Variants in SLAIN2 observed in about 807,000 individuals in gnomAD.
SLAIN2 encodes SLAIN family member 2, also known as SLAIN motif-containing protein 2.
SLAIN2 carries 31 observed loss-of-function variants against 56.6 expected under a neutral mutation model. That is an observed-to-expected ratio of 0.55 (90% CI 0.41 to 0.74). The LOEUF (loss-of-function observed/expected upper bound fraction) is 0.74, where lower values mean the gene tolerates loss of function less well. SLAIN2 is among the 30% of genes least tolerant of loss of function. The pLI is 0.00. For missense variants in SLAIN2, 777 were observed against 754.2 expected (o/e 1.03, Z -0.35); for synonymous variants, 317 against 284.9 (o/e 1.11, Z -1.13).
At chr4:48,383,111 T>C (rs1277007159) in intron 5 of SLAIN2, among the ~76,000 whole-genome samples, 184 bp downstream of exon 5, 2 of 141,422 alleles carry the variant, frequency 1.4e-5, no homozygotes, top group African/African-American at 2.7e-5. Context: ...AAAGCTACAG[T>C]GAGCTGTGAT....
At chr4:48,343,028 AATT>A (rs1367197845) in intron 1 of SLAIN2, among the ~76,000 whole-genome samples, 2 of 152,144 alleles carry the variant, frequency 1.3e-5, no homozygotes, top group African/African-American at 2.4e-5. Context: ...GTGTGTGGGC[AATT>A]ATTTGTCTTA....
intron 6 of SLAIN2, among the ~76,000 whole-genome samples, chr4:48,388,835 A>G (rs1716163627): frequency 6.6e-6 from 1 of 152,224 alleles, no homozygotes; most frequent in Non-Finnish European, 1.5e-5. Context: ...TTAGTGAGAT[A>G]TTATCCATTT....
At chr4:48,416,610 G>T (rs181473488) in intron 6 of SLAIN2, among the ~76,000 whole-genome samples, 13 of 151,584 alleles carry the variant, frequency 8.6e-5, no homozygotes, top group Non-Finnish European at 1.3e-4. Context: ...GAATAGGAGC[G>T]GTGAGAGAGG....
At chr4:48,381,508 T>C (rs944695246) in intron 4 of SLAIN2, among the ~76,000 whole-genome samples, 14 of 152,210 alleles carry the variant, frequency 9.2e-5, no homozygotes, top group Non-Finnish European at 2.1e-4. Flanking sequence ...AACAGTGCTC[T>C]TTTCATTGGT....
At chr4:48,392,090 G>T (rs1402140830) in intron 6 of SLAIN2, among the ~76,000 whole-genome samples, 2 of 152,160 alleles carry the variant, frequency 1.3e-5, no homozygotes, top group East Asian at 3.8e-4. Context: ...ACTACACTTT[G>T]TCATTTAAAA....
chr4:48,407,374 A>G (rs1017087193), intron 6 of SLAIN2, among the ~76,000 whole-genome samples: 13 of 152,158 alleles, frequency 8.5e-5, no homozygotes, highest in Non-Finnish European at 1.5e-5. Context: ...CGTATCTTGT[A>G]GCAATATTAA....
At position 48,378,012 on chromosome 4, in the gene SLAIN2, C is replaced by T. The variant is rs375501870; in HGVS notation, c.655C>T (p.Pro219Ser). 4 of 1,613,794 alleles carry T rather than the reference C, an allele frequency of 2.5e-6. No individual in the cohort carries two copies. The African/African-American group carries it at 4.0e-5, about 16-fold the overall frequency. Residue 219 changes from proline (P) to serine (S), a missense_variant, in exon 3 of 8, where the codon CCA (proline) becomes TCA (serine). Physicochemically the swap from Pro to Ser is moderately conservative, Grantham distance 74 (BLOSUM62 -1). Transcript: ENST00000264313. ...TGGCTTCAATTCTCCATCCTCAACC[C>T]CAGTGCGACCTCCTATAGTCAAACA... ...SSGFNSPSST[P>S]VRPPIVKQLI...
At chr4:48,354,853 C>T (rs140558186) in intron 1 of SLAIN2, among the ~76,000 whole-genome samples, 3 of 151,768 alleles carry the variant, frequency 2.0e-5, no homozygotes, top group Non-Finnish European at 2.9e-5. Context: ...AGCTGGTAAC[C>T]GAATGGTTAG....
At chr4:48,403,889 G>T (rs1716622589) in intron 6 of SLAIN2, among the ~76,000 whole-genome samples, 1 of 152,224 alleles carries the variant, frequency 6.6e-6, no homozygotes. Context: ...AGGCTGTGGT[G>T]GCGTGGGCTT....
chr4:48,379,780 C>A lies in SLAIN2; in HGVS notation c.794C>A (p.Ser265Ter). 1 of 1,597,244 alleles carries A rather than the reference C, an allele frequency of 6.3e-7. No homozygotes were observed. Among genetic ancestry groups the A allele is most frequent in the Admixed American group, 1.8e-5 (1 of 57,138 alleles). Reference protein sequence around the residue: ...ELSASELDEDSIGSNYKLNDV... With the variant: ...ELSASELDED ...AGTGCTTCAGAATTAGATGAAGATT[C>A]AATTGGATCCAATTATAAGCTAAAT... Residue 265 changes from serine to a stop codon, truncating the protein, a stop_gained, in exon 4 of 8, where the codon TCA (serine) becomes TAA (stop). Coordinates refer to ENST00000264313, the MANE Select transcript of SLAIN2 (RefSeq NM_020846.2). LOFTEE classifies it high-confidence loss of function.
chr4:48,384,609 A>G (rs927507665), intron 6 of SLAIN2, among the ~76,000 whole-genome samples: 1 of 152,236 alleles, frequency 6.6e-6, no homozygotes, highest in African/African-American at 2.4e-5. Context: ...GGTGAATTTT[A>G]GAAGTATAGT....
intron 1 of SLAIN2, among the ~76,000 whole-genome samples, chr4:48,347,058 A>C (rs1468154755): frequency 6.6e-6 from 1 of 151,858 alleles, no homozygotes; most frequent in African/African-American, 2.4e-5. Flanking sequence ...TACTTAGAGT[A>C]CCTGTGTGCA....
intron 2 of SLAIN2, among the ~76,000 whole-genome samples, chr4:48,371,950 A>AG (rs926575189): frequency 6.8e-6 from 1 of 147,882 alleles, no homozygotes; most frequent in Non-Finnish European, 1.5e-5. Flanking sequence ...CCAAAACAAA[A>AG]CAAAACAAAC....
chr4:48,381,323 A>G (rs1407360003), intron 4 of SLAIN2, among the ~76,000 whole-genome samples: 1 of 152,208 alleles, frequency 6.6e-6, no homozygotes, highest in East Asian at 1.9e-4. Context: ...ATAGTAATAA[A>G]AATATATGTG....
chr4:48,351,056 C>T (rs1484160621), intron 1 of SLAIN2, among the ~76,000 whole-genome samples: 4 of 152,172 alleles, frequency 2.6e-5, no homozygotes, highest in Non-Finnish European at 5.9e-5. Context: ...AACTCCTCCC[C>T]CACACATCCC....
At chr4:48,378,522 A>G (rs1369356033) in intron 3 of SLAIN2, among the ~76,000 whole-genome samples, 1 of 152,232 alleles carries the variant, frequency 6.6e-6, no homozygotes, top group South Asian at 2.1e-4. Context: ...GCTATAAACC[A>G]GGGAAAGAAT....
intron 4 of SLAIN2, among the ~76,000 whole-genome samples, chr4:48,382,260 C>T (rs572189597): frequency 6.6e-6 from 1 of 152,126 alleles, no homozygotes; most frequent in African/African-American, 2.4e-5. Context: ...GGATTACTGT[C>T]TTTAGGGGTA....
At chr4:48,349,977 T>G (rs1210890269) in intron 1 of SLAIN2, among the ~76,000 whole-genome samples, 2 of 152,256 alleles carry the variant, frequency 1.3e-5, no homozygotes, top group Non-Finnish European at 2.9e-5. Flanking sequence ...AAAAAACATT[T>G]ATTGAACTGG....
chr4:48,364,849 A>AC (rs1188072719), intron 1 of SLAIN2, among the ~76,000 whole-genome samples: 1 of 107,818 alleles, frequency 9.3e-6, no homozygotes, highest in Non-Finnish European at 1.8e-5. Flanking sequence ...TGAGAGGGAG[A>AC]CCGTGGGGAG....
Sources: allele counts gnomAD v4.1 joint callset (sites outside exome capture counted in the v4.1 genomes callset), GRCh38; gene constraint gnomAD v4.1.1; transcripts MANE v1.5; gene names NCBI Gene and HGNC (gene_info 2026-07-23, HGNC 2026-07-21).